Variants in MYO6 observed in about 807,000 individuals in gnomAD.
MYO6 encodes myosin VI, also known as unconventional myosin-VI.
In MYO6, 74 loss-of-function variants were observed where a neutral mutation model predicts 178.7. The ratio of observed to expected loss-of-function variants is 0.41; its 90% CI spans 0.34 to 0.50. The LOEUF (loss-of-function observed/expected upper bound fraction) is 0.50. Among genes scored for constraint, MYO6 ranks in the 20% least tolerant of loss-of-function variants. MYO6 has a pLI of 0.09. For missense variants in MYO6, 1,330 were observed against 1,547.4 expected (o/e 0.86, Z 2.36); for synonymous variants, 477 against 504.6 (o/e 0.95, Z 0.73).
intron 32 of MYO6, among the ~76,000 whole-genome samples, chr6:75,909,838 G>C (rs1780628939): frequency 6.6e-6 from 1 of 152,054 alleles, no homozygotes; most frequent in South Asian, 2.1e-4. Flanking sequence ...ATGAGTTCTT[G>C]GTTATATTTT....
At chr6:75,776,139 G>C (rs1766363188) in intron 1 of MYO6, among the ~76,000 whole-genome samples, 1 of 152,124 alleles carries the variant, frequency 6.6e-6, no homozygotes, top group Non-Finnish European at 1.5e-5. Flanking sequence ...GTAAACGCTT[G>C]ATTTTATTCT....
At chr6:75,822,692 C>A in intron 2 of MYO6, 90 bp from the exon 3 acceptor site, 1 of 946,498 alleles carries the variant, frequency 1.1e-6, no homozygotes, top group Non-Finnish European at 1.7e-6. Flanking sequence ...ATTGTTGCCA[C>A]TATTACAGTG....
chr6:75,844,921 T>TA lies in MYO6; in HGVS notation c.842dup (p.Tyr281Ter), dbSNP rs1774582171. Residue 281 changes from tyrosine to a stop codon, truncating the protein, a stop_gained and frameshift_variant, in exon 10 of 35, where the codon TAC becomes TAAC. Coordinates refer to ENST00000369977, the MANE Select transcript of MYO6 (RefSeq NM_004999.4). LOFTEE classifies it high-confidence loss of function. ...FRYLNRGCTR[Y>*]FANKETDKQI... ...GTATTTAAACCGAGGCTGCACTAGATACTTTGCTAACAAAGAAACTGACAA... is the reference window on the plus strand; with the variant it reads ...GTATTTAAACCGAGGCTGCACTAGATAACTTTGCTAACAAAGAAACTGACAA... The TA allele has an allele frequency of 2.5e-6, 4 of 1,613,194 alleles. No homozygotes were observed. The highest frequency in any genetic ancestry group is 3.4e-6 in the Non-Finnish European group (4 of 1,179,444).
At chr6:75,895,629 T>C (rs969144876) in intron 29 of MYO6, among the ~76,000 whole-genome samples, 7 of 151,682 alleles carry the variant, frequency 4.6e-5, no homozygotes, top group African/African-American at 1.7e-4. Context: ...GCGACTCTCC[T>C]GCCTCAGCCT....
At chr6:75,775,791 A>C (rs1050432310) in intron 1 of MYO6, among the ~76,000 whole-genome samples, 1 of 152,232 alleles carries the variant, frequency 6.6e-6, no homozygotes, top group South Asian at 2.1e-4. Flanking sequence ...TCACAAATCC[A>C]TAGAGCTACT....
intron 16 of MYO6, among the ~76,000 whole-genome samples, chr6:75,864,953 A>G (rs1275210488): frequency 6.6e-6 from 1 of 152,170 alleles, no homozygotes. Context: ...AAGAAATGGT[A>G]GGTTGGGAGT....
intron 28 of MYO6, 53 bp downstream of exon 28, chr6:75,892,743 T>C: frequency 6.3e-7 from 1 of 1,582,764 alleles, no homozygotes; most frequent in Non-Finnish European, 8.7e-7. Flanking sequence ...TTTCTCTACC[T>C]CTCTGCCTCT....
Position 75,873,194 on chromosome 6 carries a change from T to G in MYO6, c.1984-13T>G. ...TATATGTATTGTAACAAAAAGTACC[T>G]TTATTTTCCTAGGGAGCAAGCTTTA... On this transcript the variant is annotated splice_polypyrimidine_tract_variant and intron_variant, in intron 19 of 34. Transcript: ENST00000369977. 1 of 1,609,998 alleles carries G rather than the reference T, an allele frequency of 6.2e-7. No individual in the cohort carries two copies. Among genetic ancestry groups the G allele is most frequent in the African/African-American group, 1.3e-5 (1 of 74,964 alleles).
chr6:75,840,553 A>G (rs1774118681), intron 7 of MYO6, 32 bp from the exon 8 acceptor site: 1 of 1,452,438 alleles, frequency 6.9e-7, no homozygotes, highest in African/African-American at 1.4e-5. Context: ...CGTCATGCTA[A>G]TTTTTTGATG....
chr6:75,858,584 G>C (rs889704518), intron 13 of MYO6, among the ~76,000 whole-genome samples: 2 of 152,042 alleles, frequency 1.3e-5, no homozygotes, highest in Non-Finnish European at 2.9e-5. Flanking sequence ...CAGCCTGTGT[G>C]ACAGGGATCC....
chr6:75,763,967 C>CG (rs1778171996), intron 1 of MYO6, among the ~76,000 whole-genome samples: 1 of 152,170 alleles, frequency 6.6e-6, no homozygotes, highest in Non-Finnish European at 1.5e-5. Context: ...CCTAAACACT[C>CG]AACAGTGACT....
chr6:75,859,062 C>A, intron 14 of MYO6, 69 bp downstream of exon 14: 1 of 1,021,674 alleles, frequency 9.8e-7, no homozygotes, highest in Non-Finnish European at 1.5e-6. Flanking sequence ...AAGAGATATG[C>A]TGCAGTTACC....
At chr6:75,750,151 G>C (rs931436098) in intron 1 of MYO6, among the ~76,000 whole-genome samples, 1 of 148,538 alleles carries the variant, frequency 6.7e-6, no homozygotes, top group Non-Finnish European at 1.5e-5. Flanking sequence ...GCTGGAGTGC[G>C]GTGGTGCGAT....
At chr6:75,911,846 T>A in intron 33 of MYO6, 148 bp downstream of exon 33, 1 of 736,126 alleles carries the variant, frequency 1.4e-6, no homozygotes, top group Non-Finnish European at 2.4e-6. Context: ...TAAGATATAT[T>A]TTAATTTGAG....
At chr6:75,891,353 C>T in intron 27 of MYO6, 47 bp downstream of exon 27, 1 of 1,447,086 alleles carries the variant, frequency 6.9e-7, no homozygotes, top group Non-Finnish European at 9.6e-7. Context: ...AACCTACAGG[C>T]TGGGTGTGGT....
At chr6:75,908,710 G>A (rs781133121) in intron 32 of MYO6, 83 bp downstream of exon 32, 6 of 1,457,664 alleles carry the variant, frequency 4.1e-6, no homozygotes, top group Non-Finnish European at 5.7e-6. Context: ...TGGGTAAAAT[G>A]TCCCATATAA....
At position 75,915,245 on chromosome 6, in the gene MYO6, C is replaced by CT. The variant is rs988699459; in HGVS notation, c.*234dup. On this transcript the variant is annotated 3_prime_UTR_variant, in exon 35 of 35. Transcript: ENST00000369977. ...TAATTCCCAAAACTCTCATTATTCTCTAACTATTACACATGGGCATATTCT... is the reference window on the plus strand; with the variant it reads ...TAATTCCCAAAACTCTCATTATTCTCTTAACTATTACACATGGGCATATTCT... 75 of 555,576 alleles carry CT rather than the reference C, an allele frequency of 1.3e-4. No homozygotes were observed. Among genetic ancestry groups the CT allele is most frequent in the Non-Finnish European group, 1.1e-4 (35 of 309,850 alleles). 34.4% of individuals were successfully genotyped at this position (555,576 alleles called of 1,614,324 possible).
At chr6:75,797,174 C>G (rs949757682) in intron 1 of MYO6, among the ~76,000 whole-genome samples, 10 of 152,190 alleles carry the variant, frequency 6.6e-5, no homozygotes, top group African/African-American at 2.4e-4. Flanking sequence ...ACTTCAACCT[C>G]CACTTCCTGG....
chr6:75,830,127 T>A (rs1248732562), intron 4 of MYO6, among the ~76,000 whole-genome samples: 1 of 152,198 alleles, frequency 6.6e-6, no homozygotes, highest in African/African-American at 2.4e-5. Flanking sequence ...CATGGAAGGA[T>A]AATATTTTCT....
Sources: allele counts gnomAD v4.1 joint callset (sites outside exome capture counted in the v4.1 genomes callset), GRCh38; gene constraint gnomAD v4.1.1; transcripts MANE v1.5; gene names NCBI Gene and HGNC (gene_info 2026-07-23, HGNC 2026-07-21).